SPAG16: variants seen among roughly 807,000 people sequenced by gnomAD.
SPAG16 encodes sperm associated antigen 16.
In SPAG16, 86 loss-of-function variants were observed where a neutral mutation model predicts 80.4. The observed-to-expected ratio is 1.07, with a 90% confidence interval of 0.90 to 1.28. The LOEUF is 1.28. Ranked by LOEUF, SPAG16 falls within the 50% of genes most tolerant of loss-of-function variation. SPAG16 has a pLI of 0.00. For missense variants in SPAG16, 870 were observed against 765.3 expected (o/e 1.14, Z -1.61); for synonymous variants, 294 against 265.9 (o/e 1.11, Z -1.03).
At chr2:213,453,236 T>C (rs974745137) in intron 9 of SPAG16, among the ~76,000 whole-genome samples, 5 of 152,214 alleles carry the variant, frequency 3.3e-5, no homozygotes, top group African/African-American at 7.2e-5. Context: ...ATACTCTGTC[T>C]CTTTTTGTCC....
intron 13 of SPAG16, among the ~76,000 whole-genome samples, chr2:214,045,056 T>G (rs992743098): frequency 1.3e-5 from 2 of 152,162 alleles, no homozygotes; most frequent in African/African-American, 4.8e-5. Flanking sequence ...GAGACACCAG[T>G]CAGGGTGGTA....
chr2:213,973,823 C>T (rs1378343243), intron 12 of SPAG16, among the ~76,000 whole-genome samples: 2 of 151,860 alleles, frequency 1.3e-5, no homozygotes, highest in African/African-American at 4.8e-5. Flanking sequence ...TTTTATATTC[C>T]AATTTAAGTT....
At chr2:213,785,834 C>T (rs1314479460) in intron 10 of SPAG16, among the ~76,000 whole-genome samples, 1 of 151,908 alleles carries the variant, frequency 6.6e-6, no homozygotes, top group African/African-American at 2.4e-5. Flanking sequence ...TGGTGAAACC[C>T]CGTCTCTACT....
intron 10 of SPAG16, among the ~76,000 whole-genome samples, chr2:213,781,818 T>C (rs1410116964): frequency 1.3e-5 from 2 of 152,176 alleles, no homozygotes; most frequent in South Asian, 2.1e-4. Context: ...GATTGTCTTT[T>C]GGAGCATGAA....
At chr2:213,310,002 A>G in intron 3 of SPAG16, 57 bp from the exon 4 acceptor site, 1 of 1,113,898 alleles carries the variant, frequency 9.0e-7, no homozygotes. Flanking sequence ...GCTTATCTAT[A>G]TCATTAATTA....
chr2:213,556,573 T>G (rs1390465493), intron 10 of SPAG16, among the ~76,000 whole-genome samples: 1 of 151,978 alleles, frequency 6.6e-6, no homozygotes, highest in Non-Finnish European at 1.5e-5. Context: ...GCACCTAACA[T>G]CAGAATACCT....
intron 15 of SPAG16, among the ~76,000 whole-genome samples, chr2:214,166,841 A>G (rs1325618335): frequency 6.6e-6 from 1 of 152,198 alleles, no homozygotes; most frequent in Admixed American, 6.5e-5. Flanking sequence ...AAAATCAAGT[A>G]AAAATGTTTC....
At chr2:213,895,685 G>A (rs2076966047) in intron 11 of SPAG16, among the ~76,000 whole-genome samples, 1 of 152,132 alleles carries the variant, frequency 6.6e-6, no homozygotes, top group Non-Finnish European at 1.5e-5. Flanking sequence ...TCTCACTCAT[G>A]TGGAAGCTAT....
At chr2:213,741,465 T>A (rs2067550713) in intron 10 of SPAG16, among the ~76,000 whole-genome samples, 1 of 152,104 alleles carries the variant, frequency 6.6e-6, no homozygotes, top group African/African-American at 2.4e-5. Flanking sequence ...GAGTTAACCT[T>A]ACCTGTTGAA....
intron 15 of SPAG16, among the ~76,000 whole-genome samples, chr2:214,338,776 G>A (rs1254670366): frequency 8.5e-5 from 13 of 152,120 alleles, no homozygotes; most frequent in Non-Finnish European, 4.4e-5. Context: ...ATAATTATCT[G>A]AAATCCTAAC....
At chr2:213,509,715 T>G (rs955372571) in intron 10 of SPAG16, among the ~76,000 whole-genome samples, 4 of 151,822 alleles carry the variant, frequency 2.6e-5, no homozygotes, top group Admixed American at 6.6e-5. Flanking sequence ...AGAGAAAGCA[T>G]GAAAGATCTA....
rs145604063 is a variant in SPAG16, at chr2:213,580,598, G to A, written c.1070+90508G>A. Among the ~76,000 whole-genome samples, 19 of 152,200 alleles carry A rather than the reference G, an allele frequency of 1.2e-4. No homozygotes were observed. The East Asian group carries it at 3.5e-3, about 28-fold the overall frequency. On this transcript the variant is annotated intron_variant, in intron 10 of 15. Coordinates refer to ENST00000331683, the MANE Select transcript of SPAG16 (RefSeq NM_024532.5). ...CACAACCCCAACAACAATGGATACA[G>A]TGCTATCTTTTTAATCCTTGCCTGA...
At chr2:214,029,588 A>G (rs1338438149) in intron 13 of SPAG16, among the ~76,000 whole-genome samples, 1 of 148,256 alleles carries the variant, frequency 6.7e-6, no homozygotes. Flanking sequence ...AAAGAGGAAG[A>G]TGTGGTTAGA....
intron 7 of SPAG16, among the ~76,000 whole-genome samples, chr2:213,363,595 A>G (rs1678894292): frequency 6.6e-6 from 1 of 152,142 alleles, no homozygotes; most frequent in Non-Finnish European, 1.5e-5. Flanking sequence ...TCTTAGTTAT[A>G]AGACATGTTT....
intron 13 of SPAG16, among the ~76,000 whole-genome samples, chr2:214,080,921 T>A (rs1394452699): frequency 6.6e-6 from 1 of 151,962 alleles, no homozygotes; most frequent in African/African-American, 2.4e-5. Context: ...GAGTTTTCAA[T>A]TGAATAGGTG....
chr2:213,393,266 A>G lies in SPAG16; in HGVS notation c.942+18147A>G, dbSNP rs144441032. Among the ~76,000 whole-genome samples the G allele has an allele frequency of 3.9e-5, 6 of 152,096 alleles. No homozygotes were observed. The East Asian group carries it at 7.7e-4, about 20-fold the overall frequency. On this transcript the variant is annotated intron_variant, in intron 9 of 15. Transcript: ENST00000331683. The stretch of plus-strand genomic sequence containing the variant: ...GTCATTATAAATACTTACATTAGCT[A>G]TATTTCAACTGTTGATTTATGAAAA...
chr2:213,353,045 T>C (rs762793751), intron 7 of SPAG16, among the ~76,000 whole-genome samples: 2 of 152,214 alleles, frequency 1.3e-5, no homozygotes, highest in Non-Finnish European at 2.9e-5. Context: ...GTAAAAAAGT[T>C]ACTTGTCTAT....
chr2:213,681,435 G>C (rs1046398893), intron 10 of SPAG16, among the ~76,000 whole-genome samples: 4 of 152,148 alleles, frequency 2.6e-5, no homozygotes, highest in African/African-American at 9.7e-5. Flanking sequence ...TTTCTCTTGA[G>C]AGTCTTGACT....
At chr2:213,601,759 C>T (rs1380607450) in intron 10 of SPAG16, among the ~76,000 whole-genome samples, 1 of 152,194 alleles carries the variant, frequency 6.6e-6, no homozygotes, top group African/African-American at 2.4e-5. Context: ...CATTGTGTTA[C>T]AATTGCCTAT....
Sources: allele counts gnomAD v4.1 joint callset (sites outside exome capture counted in the v4.1 genomes callset), GRCh38; gene constraint gnomAD v4.1.1; transcripts MANE v1.5; gene names NCBI Gene and HGNC (gene_info 2026-07-23, HGNC 2026-07-21).